IQCB1: variants seen among roughly 807,000 people sequenced by gnomAD.
IQCB1 encodes IQ motif containing B1.
Under a neutral mutation model 84.4 loss-of-function variants are expected in IQCB1, and 56 were observed. That is an observed-to-expected ratio of 0.66 (90% confidence interval 0.54 to 0.83). The LOEUF (loss-of-function observed/expected upper bound fraction) is 0.83. Among genes scored for constraint, IQCB1 ranks in the 40% least tolerant of loss-of-function variants. The pLI is 0.00. For synonymous variants in IQCB1, 210 were observed against 234.8 expected (o/e 0.89, Z 0.96); for missense variants, 629 against 682.1 (o/e 0.92, Z 0.87).
At chr3:121,801,434 C>T (rs912421555) in intron 7 of IQCB1, among the ~76,000 whole-genome samples, 12 of 151,976 alleles carry the variant, frequency 7.9e-5, no homozygotes, top group African/African-American at 2.9e-4. Flanking sequence ...CTCACAAAAC[C>T]AACTTCTTAT....
At chr3:121,792,447 C>G (rs919877706) in intron 10 of IQCB1, among the ~76,000 whole-genome samples, 4 of 151,446 alleles carry the variant, frequency 2.6e-5, no homozygotes, top group Non-Finnish European at 4.4e-5. Flanking sequence ...ATCACGAGGT[C>G]AGGAGATCGA....
chr3:121,809,791 C>T (rs1949755743), intron 5 of IQCB1, among the ~76,000 whole-genome samples: 1 of 151,934 alleles, frequency 6.6e-6, no homozygotes, highest in Admixed American at 6.6e-5. Context: ...TAATCTTATC[C>T]ATGTCCTGAA....
chr3:121,772,003 G>A (rs1414685626), intron 14 of IQCB1, among the ~76,000 whole-genome samples: 4 of 152,072 alleles, frequency 2.6e-5, no homozygotes, highest in South Asian at 2.1e-4. Context: ...GTGAAACTCC[G>A]TCTCTACTAA....
intron 5 of IQCB1, among the ~76,000 whole-genome samples, chr3:121,815,291 C>T (rs1950009146): frequency 6.6e-6 from 1 of 152,070 alleles, no homozygotes; most frequent in Admixed American, 6.5e-5. Flanking sequence ...ATGAGAAACC[C>T]ACAGCCAACA....
At chr3:121,789,124 T>G (rs1948854147) in intron 11 of IQCB1, among the ~76,000 whole-genome samples, 1 of 152,084 alleles carries the variant, frequency 6.6e-6, no homozygotes, top group Non-Finnish European at 1.5e-5. Flanking sequence ...ACTTTGGTGT[T>G]TGGGATGCCT....
intron 2 of IQCB1, among the ~76,000 whole-genome samples, chr3:121,830,648 C>T (rs1206619127): frequency 1.3e-5 from 2 of 152,164 alleles, no homozygotes; most frequent in Non-Finnish European, 2.9e-5. Context: ...GTTTCTGGCT[C>T]ATAACTCCCA....
chr3:121,829,606 G>C (rs1319931017), intron 2 of IQCB1, among the ~76,000 whole-genome samples: 1 of 152,196 alleles, frequency 6.6e-6, no homozygotes, highest in Non-Finnish European at 1.5e-5. Context: ...TGATCACTGA[G>C]TGTCTAGTTG....
At chr3:121,828,428 A>T in intron 4 of IQCB1, 42 bp downstream of exon 4, 1 of 1,539,656 alleles carries the variant, frequency 6.5e-7, no homozygotes, top group Non-Finnish European at 9.0e-7. Context: ...AGAATCAACT[A>T]CTACATCCCT....
At chr3:121,828,279 A>G (rs1950522921) in intron 4 of IQCB1, among the ~76,000 whole-genome samples, 191 bp downstream of exon 4, 2 of 152,168 alleles carry the variant, frequency 1.3e-5, no homozygotes, top group Admixed American at 1.3e-4. Context: ...TTGTGGAGGA[A>G]AATTTTAGAC....
In IQCB1 at chr3:121,795,556, T is replaced by C. The variant is rs1395823725; in HGVS notation, c.887A>G (p.Gln296Arg). The change falls in exon 10 of 15, where the codon CAA becomes CGA. Residue 296 changes from glutamine (Q) to arginine (R), a missense_variant. Coordinates refer to ENST00000310864, the MANE Select transcript of IQCB1 (RefSeq NM_001023570.4). ...YQEVEEQKLH[Q>R]AACLIQAYWK... The stretch of plus-strand genomic sequence containing the variant: ...ATAGGCTTGAATCAAGCATGCTGCT[T>C]GATGTAGTTTCTGAAATGCCGAAAA... 2.5e-6 allele frequency: 4 copies of C among 1,592,660 alleles called. No individual in the cohort carries two copies. The highest frequency in any genetic ancestry group is 3.3e-5 in the Admixed American group (2 of 59,896).
intron 14 of IQCB1, among the ~76,000 whole-genome samples, chr3:121,772,013 A>C (rs1450234539): frequency 6.6e-6 from 1 of 152,008 alleles, no homozygotes; most frequent in Non-Finnish European, 1.5e-5. Flanking sequence ...GTCTCTACTA[A>C]AACTACAAAA....
At chr3:121,804,525 C>G (rs1482876943) in intron 7 of IQCB1, among the ~76,000 whole-genome samples, 1 of 151,952 alleles carries the variant, frequency 6.6e-6, no homozygotes, top group Non-Finnish European at 1.5e-5. Context: ...TGACAGTTTT[C>G]TTTTTCAGTA....
At position 121,770,016 on chromosome 3, in the gene IQCB1, A is replaced by C. The variant is rs1947902036; in HGVS notation, c.*329T>G. ...AAATTTTTCAAATCAATTGTTGAAA[A>C]TATTTATTTAGAAAAAAATATTTAG... is the stretch of plus-strand genomic sequence containing the variant. On this transcript the variant is annotated 3_prime_UTR_variant, in exon 15 of 15. Transcript: ENST00000310864. 5.1e-6 allele frequency: 1 copy of C among 197,204 alleles called. No individual in the cohort carries two copies. The highest frequency in any genetic ancestry group is 1.1e-5 in the Non-Finnish European group (1 of 94,700). 12.2% of individuals were successfully genotyped at this position (197,204 alleles called of 1,614,324 possible). A position where few individuals can be genotyped will look rare whatever the true frequency, so the allele number is the denominator to read the frequency against.
At chr3:121,809,327 T>C (rs529214093) in intron 5 of IQCB1, among the ~76,000 whole-genome samples, 3 of 152,012 alleles carry the variant, frequency 2.0e-5, no homozygotes, top group Non-Finnish European at 4.4e-5. Flanking sequence ...TTTAAATACA[T>C]CTATGCACAA....
At chr3:121,829,286 G>C (rs1559805282) in intron 2 of IQCB1, among the ~76,000 whole-genome samples, 1 of 152,144 alleles carries the variant, frequency 6.6e-6, no homozygotes, top group African/African-American at 2.4e-5. Flanking sequence ...TTCTAGGATA[G>C]GAATTAACTT....
chr3:121,786,118 G>T (rs1948702104), intron 12 of IQCB1, among the ~76,000 whole-genome samples: 1 of 141,314 alleles, frequency 7.1e-6, no homozygotes, highest in Admixed American at 7.6e-5. Context: ...CTCCAGTGGG[G>T]TATGATTGCA....
At chr3:121,819,078 G>A (rs1040217406) in intron 5 of IQCB1, among the ~76,000 whole-genome samples, 1 of 152,166 alleles carries the variant, frequency 6.6e-6, no homozygotes, top group Non-Finnish European at 1.5e-5. Flanking sequence ...GGGGAAGGAT[G>A]TTTTGGGGAT....
At chr3:121,793,145 TG>T (rs1330738516) in intron 10 of IQCB1, among the ~76,000 whole-genome samples, 1 of 152,184 alleles carries the variant, frequency 6.6e-6, no homozygotes, top group African/African-American at 2.4e-5. Flanking sequence ...AATCAACAAA[TG>T]TAATTAAAAC....
At chr3:121,770,850 CT>C (rs1014155187) in intron 14 of IQCB1, among the ~76,000 whole-genome samples, 3 of 151,960 alleles carry the variant, frequency 2.0e-5, no homozygotes, top group African/African-American at 4.8e-5. Context: ...AATGTTTTTT[CT>C]TTTTTTGTAG....
Sources: allele counts gnomAD v4.1 joint callset (sites outside exome capture counted in the v4.1 genomes callset), GRCh38; gene constraint gnomAD v4.1.1; transcripts MANE v1.5; gene names NCBI Gene and HGNC (gene_info 2026-07-23, HGNC 2026-07-21).